The following PPP3CA variants were observed in gnomAD, a reference collection of about 807,000 sequenced individuals.
The protein encoded by PPP3CA is protein phosphatase 3 catalytic subunit alpha.
In PPP3CA, 14 loss-of-function variants were observed where a neutral mutation model predicts 66.5. The ratio of observed to expected loss-of-function variants is 0.21; its 90% CI spans 0.14 to 0.33. The LOEUF is 0.33. Ranked by LOEUF, PPP3CA falls within the 10% of genes least tolerant of loss-of-function variation. The probability of loss-of-function intolerance (pLI) is 1.00; values close to 1 mark genes in which losing one functional copy is unlikely to be tolerated. For missense variants in PPP3CA, 317 were observed against 639.5 expected, an observed-to-expected ratio of 0.50 and a Z score of 5.44; for synonymous variants, 232 against 226.2, an observed-to-expected ratio of 1.03 and a Z score of -0.23.
intron 1 of PPP3CA, among the ~76,000 whole-genome samples, chr4:101,238,375 T>C (rs1726193964): frequency 6.6e-6 from 1 of 151,962 alleles, no homozygotes; most frequent in Non-Finnish European, 1.5e-5. Flanking sequence ...CTCAAGAAGA[T>C]TATTTTTAAT....
chr4:101,153,153 T>C (rs146003073), intron 2 of PPP3CA, among the ~76,000 whole-genome samples: 125 of 152,310 alleles, frequency 8.2e-4, no homozygotes, highest in Non-Finnish European at 1.4e-3. Flanking sequence ...GTTTGGATTC[T>C]ATCCAAAGGG....
chr4:101,330,487 G>A lies in PPP3CA; in HGVS notation c.58+16252C>T, dbSNP rs75392148. On this transcript the variant is annotated intron_variant, in intron 1 of 13. Coordinates refer to ENST00000394854, the MANE Select transcript of PPP3CA (RefSeq NM_000944.5). ...CAGTTCAGATGATCATTAGCACAAC[G>A]GTTATGTATTTTTTAAGTGAAGTAT... 5.0e-3 allele frequency: 2,556 copies of A among 512,414 alleles called. 59 individuals carry two copies. Among genetic ancestry groups the A allele is most frequent in the African/African-American group, 0.045 (2,304 of 50,766 alleles). 31.7% of individuals were successfully genotyped at this position (512,414 alleles called of 1,614,324 possible).
At chr4:101,082,867 C>G (rs183996728) in intron 7 of PPP3CA, among the ~76,000 whole-genome samples, 2 of 152,302 alleles carry the variant, frequency 1.3e-5, no homozygotes, top group Admixed American at 1.3e-4. Context: ...TGGTAATTTA[C>G]TCACTTATAT....
intron 6 of PPP3CA, among the ~76,000 whole-genome samples, chr4:101,083,978 C>CAAAA (rs1297604532): frequency 6.6e-6 from 1 of 152,130 alleles, no homozygotes; most frequent in Non-Finnish European, 1.5e-5. Context: ...TTATGTTTGT[C>CAAAA]TTTTAAGAGT....
chr4:101,148,159 C>G (rs1196754572), intron 2 of PPP3CA, among the ~76,000 whole-genome samples: 3 of 152,018 alleles, frequency 2.0e-5, no homozygotes, highest in Non-Finnish European at 4.4e-5. Context: ...TTTGAAAAAT[C>G]TGGTCTTACT....
chr4:101,106,019 C>T (rs1219939645), intron 3 of PPP3CA, among the ~76,000 whole-genome samples: 1 of 152,014 alleles, frequency 6.6e-6, no homozygotes, highest in Non-Finnish European at 1.5e-5. Flanking sequence ...AAAATATTCA[C>T]TTAGATTCTA....
intron 10 of PPP3CA, among the ~76,000 whole-genome samples, chr4:101,053,812 T>A (rs1728112498): frequency 6.6e-6 from 1 of 152,058 alleles, no homozygotes; most frequent in Non-Finnish European, 1.5e-5. Context: ...TTCTACGTCA[T>A]AAGTCCTCGG....
At chr4:101,210,476 C>G (rs1227013025) in intron 1 of PPP3CA, among the ~76,000 whole-genome samples, 1 of 152,072 alleles carries the variant, frequency 6.6e-6, no homozygotes, top group Non-Finnish European at 1.5e-5. Flanking sequence ...AGTGCTTGGA[C>G]CATTGAAGAT....
At chr4:101,143,264 T>C (rs1722866623) in intron 2 of PPP3CA, among the ~76,000 whole-genome samples, 1 of 152,194 alleles carries the variant, frequency 6.6e-6, no homozygotes, top group African/African-American at 2.4e-5. Flanking sequence ...TCATGACTAT[T>C]TTCTCAAGGA....
chr4:101,196,675 T>G (rs1362910587), intron 1 of PPP3CA, among the ~76,000 whole-genome samples: 1 of 152,176 alleles, frequency 6.6e-6, no homozygotes, highest in Non-Finnish European at 1.5e-5. Context: ...AAATCAGGAT[T>G]TGCAGGTGAG....
intron 3 of PPP3CA, among the ~76,000 whole-genome samples, chr4:101,100,328 T>A (rs1013269686): frequency 6.6e-6 from 1 of 152,104 alleles, no homozygotes; most frequent in African/African-American, 2.4e-5. Flanking sequence ...TTGTACATTA[T>A]CTTTCCAATT....
At chr4:101,044,237 C>T (rs1727664104) in intron 10 of PPP3CA, among the ~76,000 whole-genome samples, 1 of 152,146 alleles carries the variant, frequency 6.6e-6, no homozygotes, top group South Asian at 2.1e-4. Context: ...TCGGTATTTT[C>T]CAGAGATCAT....
intron 1 of PPP3CA, among the ~76,000 whole-genome samples, chr4:101,230,993 CAA>C (rs1578575888): frequency 1.3e-5 from 2 of 151,680 alleles, no homozygotes; most frequent in African/African-American, 4.8e-5. Flanking sequence ...TTTCAAAATG[CAA>C]AGTCATTCCA....
chr4:101,174,978 G>A (rs1724011638), intron 2 of PPP3CA, among the ~76,000 whole-genome samples: 1 of 152,136 alleles, frequency 6.6e-6, no homozygotes, highest in Non-Finnish European at 1.5e-5. Context: ...TGTACTTTGT[G>A]AAATCCATGT....
chr4:101,241,961 A>C (rs1726324777), intron 1 of PPP3CA, among the ~76,000 whole-genome samples: 1 of 152,138 alleles, frequency 6.6e-6, no homozygotes, highest in Admixed American at 6.6e-5. Flanking sequence ...ACTGTGCTAC[A>C]CAGTCATAAT....
At chr4:101,271,197 T>C (rs568262181) in intron 1 of PPP3CA, among the ~76,000 whole-genome samples, 12 of 152,290 alleles carry the variant, frequency 7.9e-5, no homozygotes, top group Admixed American at 5.9e-4. Context: ...CAAAACTTGA[T>C]AATTAAAAAA....
Position 101,083,280 on chromosome 4 carries a change from G to C in PPP3CA, c.783-17C>G. On this transcript the variant is annotated splice_polypyrimidine_tract_variant and intron_variant, in intron 6 of 13. Transcript: ENST00000394854. ...GCCGGGTAACTGCCAGAGACAAAAA[G>C]AAAAGGGAAGCATCTGTTAGGAAAT... 1 of 1,595,394 alleles carries C rather than the reference G, an allele frequency of 6.3e-7. No individual in the cohort carries two copies. The highest frequency in any genetic ancestry group is 8.6e-7 in the Non-Finnish European group (1 of 1,165,652).
intron 9 of PPP3CA, among the ~76,000 whole-genome samples, chr4:101,062,479 C>A (rs1728507618): frequency 6.6e-6 from 1 of 151,868 alleles, no homozygotes; most frequent in African/African-American, 2.4e-5. Flanking sequence ...TCTTACAATG[C>A]CCATTCACCT....
intron 13 of PPP3CA, among the ~76,000 whole-genome samples, chr4:101,027,257 G>C (rs1485466277): frequency 2.9e-5 from 4 of 139,174 alleles, no homozygotes; most frequent in African/African-American, 1.1e-4. Flanking sequence ...ACCTTATTTG[G>C]GGGGGAAAAA....
Sources: gnomAD v4.1 joint callset for allele counts (sites outside exome capture counted in the v4.1 genomes callset) on GRCh38, gnomAD v4.1.1 for gene constraint, MANE v1.5 for transcripts, NCBI Gene and HGNC (gene_info 2026-07-23, HGNC 2026-07-21) for gene names.